Variants in CREB5 observed in about 807,000 individuals in gnomAD.
CREB5 encodes cyclic AMP-responsive element-binding protein 5.
In CREB5, 19 loss-of-function variants were observed where a neutral mutation model predicts 57.1. That is an observed-to-expected ratio of 0.33 (90% CI 0.23 to 0.49). The LOEUF (loss-of-function observed/expected upper bound fraction) is 0.49, where lower values mean the gene tolerates loss of function less well. CREB5 is among the 20% of genes least tolerant of loss of function. The probability of loss-of-function intolerance (pLI) is 0.99; values close to 1 mark genes in which losing one functional copy is unlikely to be tolerated. For missense variants in CREB5, 579 were observed against 671.6 expected (o/e 0.86, Z 1.52); for synonymous variants, 238 against 238.3 (o/e 1.00, Z 0.01).
intron 1 of CREB5, among the ~76,000 whole-genome samples, chr7:28,455,409 T>C (rs1177930446): frequency 6.6e-6 from 1 of 152,138 alleles, no homozygotes; most frequent in Admixed American, 6.5e-5. Context: ...AGCCTTTAAG[T>C]AGAACAAGAT....
intron 1 of CREB5, among the ~76,000 whole-genome samples, chr7:28,340,998 G>T (rs1785924995): frequency 1.3e-5 from 2 of 152,128 alleles, no homozygotes; most frequent in African/African-American, 4.8e-5. Context: ...TACTGCTGGG[G>T]GATGGGGAAG....
chr7:28,642,987 T>TACACACACACACACACAC (rs1179446048), intron 5 of CREB5, among the ~76,000 whole-genome samples: 20 of 98,316 alleles, frequency 2.0e-4, no homozygotes, highest in Admixed American at 3.2e-4. Flanking sequence ...CACACACACA[T>TACACACACACACACACAC]ACACACACAC....
intron 1 of CREB5, among the ~76,000 whole-genome samples, chr7:28,323,343 C>T (rs1785524652): frequency 6.6e-6 from 1 of 152,178 alleles, no homozygotes; most frequent in Non-Finnish European, 1.5e-5. Flanking sequence ...TTCCATGCTT[C>T]AAAATTACTC....
intron 5 of CREB5, among the ~76,000 whole-genome samples, chr7:28,632,081 C>G (rs1387441497): frequency 2.0e-5 from 3 of 152,182 alleles, no homozygotes; most frequent in Non-Finnish European, 4.4e-5. Flanking sequence ...CTGGCCACTT[C>G]CAAAGCACAG....
intron 5 of CREB5, among the ~76,000 whole-genome samples, chr7:28,575,997 A>G (rs1484637186): frequency 6.6e-6 from 1 of 152,248 alleles, no homozygotes; most frequent in Non-Finnish European, 1.5e-5. Flanking sequence ...TATTGTGGTC[A>G]GATGAAGGGG....
intron 7 of CREB5, among the ~76,000 whole-genome samples, chr7:28,727,564 T>C (rs1803395207): frequency 6.6e-6 from 1 of 152,244 alleles, no homozygotes; most frequent in Non-Finnish European, 1.5e-5. Flanking sequence ...CTCAGAGTTA[T>C]GTAGATATGT....
chr7:28,477,442 G>A (rs959476899), intron 1 of CREB5, among the ~76,000 whole-genome samples: 4 of 152,172 alleles, frequency 2.6e-5, no homozygotes, highest in Admixed American at 2.6e-4. Context: ...AAGAAACCAC[G>A]TTCATGCGTA....
At chr7:28,779,818 A>G (rs1806867666) in intron 7 of CREB5, among the ~76,000 whole-genome samples, 1 of 152,234 alleles carries the variant, frequency 6.6e-6, no homozygotes, top group African/African-American at 2.4e-5. Context: ...ATCACATAAA[A>G]TGACAGCCAG....
chr7:28,789,873 G>A (rs1807560790), intron 7 of CREB5, among the ~76,000 whole-genome samples: 1 of 152,038 alleles, frequency 6.6e-6, no homozygotes, highest in Non-Finnish European at 1.5e-5. Flanking sequence ...AAAACCTGGG[G>A]TGAGAGAAGA....
chr7:28,616,679 T>C (rs1346094800), intron 5 of CREB5, among the ~76,000 whole-genome samples: 1 of 152,130 alleles, frequency 6.6e-6, no homozygotes, highest in Non-Finnish European at 1.5e-5. Flanking sequence ...GAGAGGCAGT[T>C]TTTTCTATTT....
chr7:28,713,280 C>T (rs1177177637), intron 5 of CREB5, among the ~76,000 whole-genome samples: 2 of 152,114 alleles, frequency 1.3e-5, no homozygotes, highest in Non-Finnish European at 2.9e-5. Context: ...AGCTCAAGCT[C>T]AAAATGCTAG....
chr7:28,568,884 A>G (rs1795586080), intron 4 of CREB5, among the ~76,000 whole-genome samples: 1 of 152,382 alleles, frequency 6.6e-6, no homozygotes, highest in Non-Finnish European at 1.5e-5. Context: ...TCTTTGCCAA[A>G]GAACTTCAAA....
chr7:28,737,525 A>C (rs1804050016), intron 7 of CREB5, among the ~76,000 whole-genome samples: 1 of 126,864 alleles, frequency 7.9e-6, no homozygotes, highest in Non-Finnish European at 1.6e-5. Flanking sequence ...GTGTGTATAT[A>C]TGTATATATA....
chr7:28,713,287 C>T (rs1162765255), intron 5 of CREB5, among the ~76,000 whole-genome samples: 3 of 152,140 alleles, frequency 2.0e-5, no homozygotes, highest in Admixed American at 2.0e-4. Context: ...GCTCAAAATG[C>T]TAGGATTACA....
At chr7:28,719,284 A>G (rs959653060) in intron 6 of CREB5, among the ~76,000 whole-genome samples, 6 of 152,256 alleles carry the variant, frequency 3.9e-5, no homozygotes, top group African/African-American at 1.2e-4. Context: ...ATGATCATAC[A>G]TAATAGCTGC....
chr7:28,480,481 T>G (rs1791278779), intron 1 of CREB5, among the ~76,000 whole-genome samples: 1 of 152,232 alleles, frequency 6.6e-6, no homozygotes, highest in Non-Finnish European at 1.5e-5. Context: ...ACCTTGGCTA[T>G]GTTTTGTTCT....
chr7:28,636,844 G>C (rs1033472472), intron 5 of CREB5, among the ~76,000 whole-genome samples: 3 of 152,118 alleles, frequency 2.0e-5, no homozygotes, highest in African/African-American at 7.2e-5. Context: ...CACTCCTGCA[G>C]CTAGAGCTGT....
At chr7:28,505,576 A>G (rs1010092405) in intron 3 of CREB5, among the ~76,000 whole-genome samples, 2 of 152,192 alleles carry the variant, frequency 1.3e-5, no homozygotes, top group African/African-American at 2.4e-5. Flanking sequence ...TGGGTTGTTG[A>G]AATTGTTTTC....
intron 8 of CREB5, among the ~76,000 whole-genome samples, chr7:28,805,699 A>T (rs1808684196): frequency 6.7e-6 from 1 of 149,374 alleles, no homozygotes; most frequent in Admixed American, 6.7e-5. Context: ...GTGAATAAGA[A>T]TTGAGCATTA....
Sources: allele counts gnomAD v4.1 joint callset (sites outside exome capture counted in the v4.1 genomes callset), GRCh38; gene constraint gnomAD v4.1.1; transcripts MANE v1.5; gene names NCBI Gene and HGNC (gene_info 2026-07-23, HGNC 2026-07-21).